Variants in RARB observed in about 807,000 individuals in gnomAD.
RARB encodes retinoic acid receptor beta, also known as HBV-activated protein.
RARB carries 17 observed loss-of-function variants against 51.9 expected under a neutral mutation model. That is an observed-to-expected ratio of 0.33 (90% CI 0.22 to 0.49). The LOEUF (loss-of-function observed/expected upper bound fraction) is 0.49, where lower values mean the gene tolerates loss of function less well. RARB is among the 20% of genes least tolerant of loss of function. RARB has a pLI of 0.99. For missense variants in RARB, 369 were observed against 550.8 expected (o/e 0.67, Z 3.30); for synonymous variants, 215 against 195.4 (o/e 1.10, Z -0.84).
chr3:25,391,552 C>T (rs1230927929), intron 5 of RARB, among the ~76,000 whole-genome samples: 1 of 152,156 alleles, frequency 6.6e-6, no homozygotes, highest in East Asian at 1.9e-4. Flanking sequence ...TCCATACCAG[C>T]ATCTACTATT....
chr3:24,931,697 C>CACATGTGTTCACACCTGTTT (rs1695444013), intron 2 of RARB, among the ~76,000 whole-genome samples: 1 of 152,084 alleles, frequency 6.6e-6, no homozygotes, highest in African/African-American at 2.4e-5. Flanking sequence ...AGCACCTGTG[C>CACATGTGTTCACACCTGTTT]ACATGTGTTC....
intron 2 of RARB, among the ~76,000 whole-genome samples, chr3:24,939,830 T>C (rs1365765515): frequency 1.3e-5 from 2 of 152,242 alleles, no homozygotes; most frequent in Non-Finnish European, 1.5e-5. Context: ...TGCCCTTATG[T>C]AATCATACAT....
chr3:25,092,535 C>T (rs1559463412), intron 3 of RARB, among the ~76,000 whole-genome samples: 1 of 152,028 alleles, frequency 6.6e-6, no homozygotes, highest in Non-Finnish European at 1.5e-5. Flanking sequence ...GTAAAGTATA[C>T]AATAACTGTT....
chr3:25,079,582 T>C (rs1295426135), intron 3 of RARB, among the ~76,000 whole-genome samples: 1 of 152,210 alleles, frequency 6.6e-6, no homozygotes, highest in African/African-American at 2.4e-5. Flanking sequence ...TTGCTGAGGG[T>C]TTCTATCATA....
chr3:25,424,840 G>A (rs903101938), upstream of RARB, among the ~76,000 whole-genome samples: 1 of 152,178 alleles, frequency 6.6e-6, no homozygotes. Flanking sequence ...CATGATTCAT[G>A]GTGTTTCTTT....
At chr3:25,149,256 A>C (rs909872937) in intron 4 of RARB, among the ~76,000 whole-genome samples, 1 of 152,250 alleles carries the variant, frequency 6.6e-6, no homozygotes, top group Admixed American at 6.5e-5. Context: ...AAATTTGTGA[A>C]GAATGCTTCT....
intron 3 of RARB, among the ~76,000 whole-genome samples, chr3:25,114,316 A>G (rs1291443637): frequency 6.6e-6 from 1 of 152,184 alleles, no homozygotes; most frequent in Non-Finnish European, 1.5e-5. Context: ...CCCAAACCAG[A>G]CGGTTGGAGT....
At chr3:24,935,396 T>C (rs1177998836) in intron 2 of RARB, among the ~76,000 whole-genome samples, 1 of 152,084 alleles carries the variant, frequency 6.6e-6, no homozygotes, top group Non-Finnish European at 1.5e-5. Flanking sequence ...TCAGACACAC[T>C]ACAGCAGTAT....
At chr3:25,066,420 G>A (rs547315165) in intron 3 of RARB, among the ~76,000 whole-genome samples, 7 of 152,220 alleles carry the variant, frequency 4.6e-5, no homozygotes, top group African/African-American at 9.6e-5. Flanking sequence ...GGAGTAACAG[G>A]CCATTTGAGT....
At chr3:25,296,602 A>G (rs537107966) in intron 5 of RARB, among the ~76,000 whole-genome samples, 1 of 152,308 alleles carries the variant, frequency 6.6e-6, no homozygotes, top group South Asian at 2.1e-4. Context: ...TCAGTGGTAA[A>G]GGTCTGGCAG....
intron 2 of RARB, among the ~76,000 whole-genome samples, chr3:24,964,801 A>C (rs1020171183): frequency 1.6e-4 from 25 of 152,132 alleles, no homozygotes; most frequent in African/African-American, 5.1e-4. Flanking sequence ...ACATCTCCTA[A>C]AGGCGATGTC....
chr3:24,932,965 G>A (rs1366574630), intron 2 of RARB, among the ~76,000 whole-genome samples: 1 of 151,912 alleles, frequency 6.6e-6, no homozygotes, highest in Non-Finnish European at 1.5e-5. Flanking sequence ...GAAAACTGGT[G>A]GATTCATTTA....
intron 3 of RARB, among the ~76,000 whole-genome samples, chr3:25,090,886 C>T (rs759987001): frequency 6.6e-6 from 1 of 152,094 alleles, no homozygotes; most frequent in Non-Finnish European, 1.5e-5. Flanking sequence ...AGATGGTTTC[C>T]TTCAAGAAAT....
intron 5 of RARB, among the ~76,000 whole-genome samples, chr3:25,407,463 CAATT>C (rs1707443411): frequency 6.6e-6 from 1 of 152,172 alleles, no homozygotes; most frequent in South Asian, 2.1e-4. Context: ...GGTAGGTTCT[CAATT>C]AAAGGCACAA....
chr3:25,373,611 A>G (rs1706369814), intron 5 of RARB, among the ~76,000 whole-genome samples: 1 of 152,208 alleles, frequency 6.6e-6, no homozygotes, highest in South Asian at 2.1e-4. Context: ...CCAATGTTCT[A>G]CAGCACTTAA....
chr3:25,208,369 G>T (rs1167933124), intron 5 of RARB, among the ~76,000 whole-genome samples: 2 of 152,270 alleles, frequency 1.3e-5, no homozygotes, highest in East Asian at 3.9e-4. Context: ...TCCACTTATA[G>T]ACAGTAAAAT....
intron 2 of RARB, among the ~76,000 whole-genome samples, chr3:25,049,175 T>C (rs930863522): frequency 2.0e-5 from 3 of 152,208 alleles, no homozygotes; most frequent in African/African-American, 7.2e-5. Flanking sequence ...AGTATCTCAA[T>C]AGAAGCAGTG....
chr3:25,211,459 A>G (rs978456487), intron 5 of RARB, among the ~76,000 whole-genome samples: 1 of 152,224 alleles, frequency 6.6e-6, no homozygotes. Context: ...ATGTTTTGCA[A>G]TATATTGCAA....
At chr3:25,452,472 C>A (rs1460284152) in intron 1 of RARB, among the ~76,000 whole-genome samples, 2 of 152,118 alleles carry the variant, frequency 1.3e-5, no homozygotes, top group Admixed American at 6.5e-5. Flanking sequence ...AAGGCCCAAA[C>A]TATCTTGTCA....
Sources: gnomAD v4.1 joint callset for allele counts (sites outside exome capture counted in the v4.1 genomes callset) on GRCh38, gnomAD v4.1.1 for gene constraint, MANE v1.5 for transcripts, NCBI Gene and HGNC (gene_info 2026-07-23, HGNC 2026-07-21) for gene names.